Variants in CDH13 observed in about 807,000 individuals in gnomAD.
CDH13 encodes the protein cadherin 13.
Under a neutral mutation model 63.8 loss-of-function variants are expected in CDH13, and 24 were observed. That is an observed-to-expected ratio of 0.38 (90% CI 0.27 to 0.53). The LOEUF (loss-of-function observed/expected upper bound fraction) is 0.53. Ranked by LOEUF, CDH13 falls within the 20% of genes least tolerant of loss-of-function variation. The probability of loss-of-function intolerance (pLI) is 0.85; values close to 1 mark genes in which losing one functional copy is unlikely to be tolerated. For missense variants in CDH13, 1,049 were observed against 903.1 expected, an observed-to-expected ratio of 1.16 and a Z score of -2.07; for synonymous variants, 503 against 355.3, an observed-to-expected ratio of 1.42 and a Z score of -4.67.
intron 2 of CDH13, among the ~76,000 whole-genome samples, chr16:82,917,340 T>G (rs1434545289): frequency 6.6e-6 from 1 of 152,116 alleles, no homozygotes; most frequent in East Asian, 1.9e-4. Context: ...GAAAGAACAT[T>G]TCAACTCAGG....
At chr16:82,956,549 C>G (rs959120385) in intron 2 of CDH13, among the ~76,000 whole-genome samples, 1 of 152,054 alleles carries the variant, frequency 6.6e-6, no homozygotes, top group African/African-American at 2.4e-5. Context: ...CCTGCCACAC[C>G]CTTTGGAACT....
chr16:83,130,198 T>C (rs1462164173), intron 4 of CDH13, among the ~76,000 whole-genome samples: 2 of 152,232 alleles, frequency 1.3e-5, no homozygotes, highest in Admixed American at 1.3e-4. Context: ...CTAAGCACTT[T>C]TCATCTATTA....
In CDH13 at chr16:83,798,744, C is replaced by T. The variant is rs1055450897; in HGVS notation, c.*3714C>T. The T allele has an allele frequency of 6.6e-6, 1 of 152,170 alleles. No individual in the cohort carries two copies. The highest frequency in any genetic ancestry group is 2.4e-5 in the African/African-American group (1 of 41,432). 9.4% of individuals were successfully genotyped at this position (152,170 alleles called of 1,614,324 possible). ...GTGACTATGCAGCTAGACCAACTTACTGTTAAGCAACAGTACCTTTTACTA... is the reference window on the plus strand; with the variant it reads ...GTGACTATGCAGCTAGACCAACTTATTGTTAAGCAACAGTACCTTTTACTA... On this transcript the variant is annotated 3_prime_UTR_variant, in exon 14 of 14. Transcript: ENST00000567109.
chr16:82,699,959 C>A (rs761264044), intron 1 of CDH13, among the ~76,000 whole-genome samples: 4 of 152,202 alleles, frequency 2.6e-5, no homozygotes, highest in African/African-American at 9.7e-5. Context: ...TGGGCATTTG[C>A]CTGCAAGTTG....
chr16:83,164,606 G>C (rs957979215), intron 4 of CDH13, among the ~76,000 whole-genome samples: 27 of 151,802 alleles, frequency 1.8e-4, no homozygotes, highest in African/African-American at 6.1e-4. Flanking sequence ...TGCAATCCCA[G>C]CTACTCAGGA....
intron 7 of CDH13, among the ~76,000 whole-genome samples, chr16:83,586,615 C>T (rs1906184969): frequency 6.6e-6 from 1 of 152,096 alleles, no homozygotes; most frequent in Non-Finnish European, 1.5e-5. Flanking sequence ...TCAGCAGAGC[C>T]AATACAATTT....
At chr16:82,906,053 T>C (rs2041635116) in intron 2 of CDH13, among the ~76,000 whole-genome samples, 1 of 152,222 alleles carries the variant, frequency 6.6e-6, no homozygotes, top group African/African-American at 2.4e-5. Context: ...TCTATCTACC[T>C]GTCTAATATC....
chr16:83,767,874 C>T (rs75589044), intron 11 of CDH13, among the ~76,000 whole-genome samples: 1,632 of 151,970 alleles, frequency 0.011, 25 homozygotes, highest in African/African-American at 0.037. Flanking sequence ...ACAAATTGGC[C>T]CAAGGTTTAT....
At chr16:83,785,413 C>T (rs747428693) in intron 13 of CDH13, among the ~76,000 whole-genome samples, 6 of 152,176 alleles carry the variant, frequency 3.9e-5, no homozygotes, top group Admixed American at 1.3e-4. Flanking sequence ...ACTTCCTGAC[C>T]CACTAATTTC....
intron 11 of CDH13, among the ~76,000 whole-genome samples, chr16:83,779,727 G>C (rs530757565): frequency 6.6e-6 from 1 of 151,958 alleles, no homozygotes; most frequent in Admixed American, 6.6e-5. Flanking sequence ...GTGTGGTGGC[G>C]TGCACCTGTG....
intron 3 of CDH13, among the ~76,000 whole-genome samples, chr16:83,089,714 C>T (rs2033800801): frequency 6.6e-6 from 1 of 152,180 alleles, no homozygotes; most frequent in Non-Finnish European, 1.5e-5. Context: ...CCATGGACTT[C>T]TATCTCACGA....
chr16:83,252,767 G>T (rs749575920), intron 5 of CDH13, among the ~76,000 whole-genome samples: 10 of 152,100 alleles, frequency 6.6e-5, no homozygotes, highest in Non-Finnish European at 1.2e-4. Flanking sequence ...ATGCTGCTCA[G>T]TATCCTACCG....
chr16:82,680,121 G>T (rs1013069586), intron 1 of CDH13, among the ~76,000 whole-genome samples: 1 of 152,164 alleles, frequency 6.6e-6, no homozygotes, highest in Non-Finnish European at 1.5e-5. Context: ...GTAGGTCATT[G>T]TTGGCTCAGC....
chr16:83,519,002 G>A (rs989000333), intron 7 of CDH13, among the ~76,000 whole-genome samples: 2 of 152,136 alleles, frequency 1.3e-5, no homozygotes, highest in Admixed American at 1.3e-4. Flanking sequence ...TCTACAGTTT[G>A]TAACGTAGGC....
At chr16:82,674,969 A>G (rs1367658688) in intron 1 of CDH13, among the ~76,000 whole-genome samples, 1 of 152,234 alleles carries the variant, frequency 6.6e-6, no homozygotes, top group African/African-American at 2.4e-5. Flanking sequence ...CAGGTGTCAG[A>G]AGAAAGAGTC....
chr16:83,356,211 CATGTGTGTGTGTGTGTGT>C (rs748460047), intron 6 of CDH13, among the ~76,000 whole-genome samples: 8 of 60,722 alleles, frequency 1.3e-4, no homozygotes, highest in African/African-American at 5.7e-4. Context: ...TATTTATTTT[CATGTGTGTGTGTGTGTGT>C]GTGTGTGTGT....
At chr16:82,939,894 G>A (rs1002013192) in intron 2 of CDH13, among the ~76,000 whole-genome samples, 23 of 152,072 alleles carry the variant, frequency 1.5e-4, no homozygotes, top group Non-Finnish European at 2.6e-4. Context: ...ACATGCCCTC[G>A]ACTGGGTAAT....
At chr16:82,894,027 T>G (rs1014898671) in intron 2 of CDH13, among the ~76,000 whole-genome samples, 4 of 152,218 alleles carry the variant, frequency 2.6e-5, no homozygotes, top group African/African-American at 9.6e-5. Flanking sequence ...TTTTACTTCC[T>G]TAACAGACGT....
At chr16:83,349,640 G>T (rs552378603) in intron 6 of CDH13, among the ~76,000 whole-genome samples, 5 of 151,776 alleles carry the variant, frequency 3.3e-5, no homozygotes, top group South Asian at 2.1e-4. Flanking sequence ...TGCTCTTGTT[G>T]CCCAGGCTGG....
Sources: allele counts gnomAD v4.1 joint callset (sites outside exome capture counted in the v4.1 genomes callset), GRCh38; gene constraint gnomAD v4.1.1; transcripts MANE v1.5; gene names NCBI Gene and HGNC (gene_info 2026-07-23, HGNC 2026-07-21).